Variants in GART observed in about 807,000 individuals in gnomAD.
The protein encoded by GART is trifunctional purine biosynthetic protein adenosine-3.
In GART, 43 loss-of-function variants were observed where a neutral mutation model predicts 107.2. That is an observed-to-expected ratio of 0.40 (90% CI 0.31 to 0.52). The LOEUF (loss-of-function observed/expected upper bound fraction) is 0.52, where lower values mean the gene tolerates loss of function less well. GART is among the 20% of genes least tolerant of loss of function. GART has a pLI of 0.52. For missense variants in GART, 1,107 were observed against 1,206.5 expected, an observed-to-expected ratio of 0.92 and a Z score of 1.22; for synonymous variants, 434 against 427.0, an observed-to-expected ratio of 1.02 and a Z score of -0.20.
intron 18 of GART, 61 bp downstream of exon 18, chr21:33,509,722 G>C: frequency 6.4e-7 from 1 of 1,557,772 alleles, no homozygotes; most frequent in Non-Finnish European, 8.8e-7. Context: ...TCTCACAAGA[G>C]TGCGGGGAGG....
chr21:33,541,638 G>C (rs1321402700), intron 1 of GART, among the ~76,000 whole-genome samples: 3 of 152,154 alleles, frequency 2.0e-5, no homozygotes, highest in Admixed American at 6.5e-5. Flanking sequence ...AAGACCTTGG[G>C]GGACTTCACT....
chr21:33,528,632 A>AAG, intron 8 of GART, 28 bp from the exon 9 acceptor site: 1 of 1,417,336 alleles, frequency 7.1e-7, no homozygotes, highest in Non-Finnish European at 9.6e-7. Flanking sequence ...AAAAAAAAAA[A>AAG]GAGAGAAAGA....
At chr21:33,513,431 G>A (rs569627659) in intron 16 of GART, among the ~76,000 whole-genome samples, 2 of 152,192 alleles carry the variant, frequency 1.3e-5, no homozygotes, top group East Asian at 1.9e-4. Flanking sequence ...TTAGCTGGGC[G>A]TGGAGACGCA....
At chr21:33,535,113 T>G in intron 3 of GART, 112 bp downstream of exon 3, 1 of 725,470 alleles carries the variant, frequency 1.4e-6, no homozygotes, top group Non-Finnish European at 2.1e-6. Flanking sequence ...TGGAAGCTCT[T>G]TTTCCAAGAT....
intron 2 of GART, among the ~76,000 whole-genome samples, chr21:33,538,868 C>T (rs1158063781): frequency 6.6e-6 from 1 of 152,030 alleles, no homozygotes; most frequent in African/African-American, 2.4e-5. Context: ...ACAAGCTCCA[C>T]CCCCTGGGTT....
At chr21:33,513,083 TTGTGTGTG>T (rs760260690) in intron 16 of GART, among the ~76,000 whole-genome samples, 4 of 142,332 alleles carry the variant, frequency 2.8e-5, no homozygotes, top group Admixed American at 2.2e-4. Flanking sequence ...ACTTGGTTAT[TTGTGTGTG>T]TGTGTGTGTG....
chr21:33,515,669 A>AAC (rs1555890814), intron 16 of GART, among the ~76,000 whole-genome samples: 4 of 151,120 alleles, frequency 2.6e-5, no homozygotes, highest in African/African-American at 9.7e-5. Flanking sequence ...AAAAAAAAAA[A>AAC]AAAAAACGAA....
At chr21:33,534,436 C>CT in intron 4 of GART, 143 bp downstream of exon 4, 3 of 773,130 alleles carry the variant, frequency 3.9e-6, no homozygotes, top group Non-Finnish European at 6.3e-6. Flanking sequence ...AGGCTGGTCT[C>CT]TAACTCCTGA....
At chr21:33,530,685 T>C in intron 7 of GART, 74 bp downstream of exon 7, 1 of 1,286,632 alleles carries the variant, frequency 7.8e-7, no homozygotes, top group Non-Finnish European at 1.0e-6. Flanking sequence ...CAAAACAAAA[T>C]AGAAAGTATC....
chr21:33,520,663 C>A, intron 13 of GART, 101 bp from the exon 14 acceptor site: 2 of 1,058,498 alleles, frequency 1.9e-6, no homozygotes, highest in Non-Finnish European at 2.7e-6. Context: ...CAAAAGAACA[C>A]GAAATTCTGA....
Position 33,525,407 on chromosome 21 carries a change from TCA to T in GART, c.1067-409_1067-408del, listed in dbSNP as rs531058701. ...TACATAAAAATTAAAGATCTTTCTC[TCA>T]CTTAAAAGAACCTTCCCTATCAGAC... On this transcript the variant is annotated intron_variant, in intron 10 of 21. Coordinates refer to ENST00000381815, the MANE Select transcript of GART (RefSeq NM_000819.5). Among the ~76,000 whole-genome samples the T allele has an allele frequency of 6.8e-4, 103 of 152,268 alleles. 1 individual carries two copies. Among genetic ancestry groups the T allele is most frequent in the African/African-American group, 2.5e-3 (103 of 41,544 alleles).
Position 33,520,574 on chromosome 21 carries a change from C to T in GART, c.1504-12G>A, listed in dbSNP as rs1430799471. The T allele has an allele frequency of 2.5e-6, 4 of 1,606,116 alleles. No homozygotes were observed. Among genetic ancestry groups the T allele is most frequent in the African/African-American group, 1.3e-5 (1 of 74,826 alleles). On this transcript the variant is annotated splice_polypyrimidine_tract_variant and intron_variant, in intron 13 of 21. Coordinates refer to ENST00000381815, the MANE Select transcript of GART (RefSeq NM_000819.5). The stretch of plus-strand genomic sequence containing the variant: ...CATAGCTGGGCAATCTATGTAAGAA[C>T]AATATAAACATCCACATTAGGGAAT...
At chr21:33,510,471 AGGCGCCCGCCACCAC>A (rs1223854708) in intron 17 of GART, 1 of 153,190 alleles carries the variant, frequency 6.5e-6, no homozygotes, top group East Asian at 1.9e-4. Flanking sequence ...CTGGGACTAC[AGGCGCCCGCCACCAC>A]GCCCGGCTAA....
intron 13 of GART, 77 bp downstream of exon 13, chr21:33,520,829 G>T: frequency 1.8e-6 from 2 of 1,125,542 alleles, no homozygotes; most frequent in Non-Finnish European, 1.3e-6. Flanking sequence ...TATATGTCAA[G>T]AGAAGAAAAA....
intron 18 of GART, 99 bp from the exon 19 acceptor site, chr21:33,506,203 C>G (rs2145671834): frequency 1.5e-6 from 2 of 1,345,758 alleles, no homozygotes; most frequent in Non-Finnish European, 2.0e-6. Flanking sequence ...GAGTGCAGTG[C>G]CACGATCTGG....
At chr21:33,523,967 CAAAAAAAAAAAAA>C (rs747171882) in intron 11 of GART, 20 of 601,550 alleles carry the variant, frequency 3.3e-5, no homozygotes, top group African/African-American at 4.0e-5. Flanking sequence ...AATTCTGTCT[CAAAAAAAAAAAAA>C]AAAAAAAAAA....
At chr21:33,509,000 C>A (rs1601172973) in intron 18 of GART, among the ~76,000 whole-genome samples, 2 of 152,304 alleles carry the variant, frequency 1.3e-5, no homozygotes, top group East Asian at 3.9e-4. Flanking sequence ...ACAATAGCTT[C>A]TTTGCTTTAT....
At chr21:33,524,280 C>A in intron 11 of GART, 2 of 985,466 alleles carry the variant, frequency 2.0e-6, no homozygotes, top group Non-Finnish European at 2.4e-6. Context: ...CCAAGTGCAG[C>A]GGCTCATGCC....
chr21:33,506,214 G>T, intron 18 of GART, 110 bp from the exon 19 acceptor site: 2 of 1,202,470 alleles, frequency 1.7e-6, no homozygotes, highest in Non-Finnish European at 2.3e-6. Flanking sequence ...CACGATCTGG[G>T]TTCACTGCAA....
Sources: allele counts gnomAD v4.1 joint callset (sites outside exome capture counted in the v4.1 genomes callset), GRCh38; gene constraint gnomAD v4.1.1; transcripts MANE v1.5; gene names NCBI Gene and HGNC (gene_info 2026-07-23, HGNC 2026-07-21).